The following GULP1 variants were observed in gnomAD, a reference collection of about 807,000 sequenced individuals.
GULP1 encodes GULP PTB domain containing engulfment adaptor 1.
In GULP1, 19 loss-of-function variants were observed where a neutral mutation model predicts 40.9. The ratio of observed to expected loss-of-function variants is 0.46; its 90% CI spans 0.32 to 0.68. The LOEUF (loss-of-function observed/expected upper bound fraction) is 0.68, where lower values mean the gene tolerates loss of function less well. Among genes scored for constraint, GULP1 ranks in the 30% least tolerant of loss-of-function variants. GULP1 has a pLI of 0.03. For synonymous variants in GULP1, 119 were observed against 117.6 expected (o/e 1.01, Z -0.08); for missense variants, 312 against 362.2 (o/e 0.86, Z 1.12).
At chr2:188,418,575 G>A (rs2054911276) in intron 2 of GULP1, among the ~76,000 whole-genome samples, 1 of 152,296 alleles carries the variant, frequency 6.6e-6, no homozygotes, top group Non-Finnish European at 1.5e-5. Context: ...GGAGGTTGCA[G>A]TGAGCTGAAA....
At chr2:188,409,326 A>C (rs879662949) in intron 2 of GULP1, among the ~76,000 whole-genome samples, 1 of 152,186 alleles carries the variant, frequency 6.6e-6, no homozygotes, top group African/African-American at 2.4e-5. Context: ...TGCTATGAAC[A>C]ACAATATAAC....
intron 4 of GULP1, among the ~76,000 whole-genome samples, chr2:188,521,773 G>T (rs2065805349): frequency 6.6e-6 from 1 of 152,078 alleles, no homozygotes. Context: ...CTACCTTCAG[G>T]TTTATTTAAA....
chr2:188,404,658 C>T (rs888731180), intron 2 of GULP1, among the ~76,000 whole-genome samples: 3 of 152,174 alleles, frequency 2.0e-5, no homozygotes, highest in African/African-American at 2.4e-5. Flanking sequence ...GGGCCCACCC[C>T]GTTGTTAGGC....
intron 4 of GULP1, among the ~76,000 whole-genome samples, chr2:188,512,825 T>G (rs1364931953): frequency 6.9e-6 from 1 of 144,648 alleles, no homozygotes; most frequent in African/African-American, 2.6e-5. Flanking sequence ...ACATCACTTG[T>G]GGAAATTAGC....
At chr2:188,302,531 A>G (rs1181845144) in intron 1 of GULP1, among the ~76,000 whole-genome samples, 3 of 152,214 alleles carry the variant, frequency 2.0e-5, no homozygotes, top group Non-Finnish European at 4.4e-5. Context: ...TAAATATAGA[A>G]GATAAAGCTG....
intron 2 of GULP1, among the ~76,000 whole-genome samples, chr2:188,387,200 C>A (rs2049889918): frequency 6.6e-6 from 1 of 151,866 alleles, no homozygotes; most frequent in Non-Finnish European, 1.5e-5. Context: ...TGCACCACTG[C>A]ACTCCAGCCT....
At chr2:188,341,483 C>G (rs1050360484) in intron 1 of GULP1, among the ~76,000 whole-genome samples, 1 of 152,068 alleles carries the variant, frequency 6.6e-6, no homozygotes, top group Non-Finnish European at 1.5e-5. Context: ...CAGTTATCAT[C>G]ATAAAGGATA....
intron 2 of GULP1, among the ~76,000 whole-genome samples, chr2:188,437,176 T>A (rs182197849): frequency 6.6e-6 from 1 of 152,134 alleles, no homozygotes; most frequent in African/African-American, 2.4e-5. Flanking sequence ...GAATCTTTCA[T>A]AGAAATGTTA....
intron 1 of GULP1, among the ~76,000 whole-genome samples, chr2:188,367,955 A>G (rs1029707378): frequency 1.3e-5 from 2 of 152,130 alleles, no homozygotes; most frequent in African/African-American, 4.8e-5. Flanking sequence ...ACTTATATCT[A>G]TTAGTCCACC....
At chr2:188,494,715 T>A (rs898343166) in intron 4 of GULP1, among the ~76,000 whole-genome samples, 2 of 152,084 alleles carry the variant, frequency 1.3e-5, no homozygotes, top group African/African-American at 2.4e-5. Flanking sequence ...GCATCACATT[T>A]TTCTCATAAT....
intron 3 of GULP1, 88 bp from the exon 4 acceptor site, chr2:188,483,343 C>G: frequency 1.7e-6 from 1 of 593,476 alleles, no homozygotes; most frequent in South Asian, 2.6e-5. Flanking sequence ...TAGAAATACT[C>G]TGTGTCCTAA....
At chr2:188,322,059 A>G (rs2040069402) in intron 1 of GULP1, among the ~76,000 whole-genome samples, 1 of 152,040 alleles carries the variant, frequency 6.6e-6, no homozygotes, top group African/African-American at 2.4e-5. Context: ...AATAAAATAA[A>G]ATTACCCAGG....
chr2:188,448,982 C>T (rs368676949), intron 2 of GULP1, among the ~76,000 whole-genome samples: 38 of 152,298 alleles, frequency 2.5e-4, no homozygotes, highest in East Asian at 2.3e-3. Context: ...CATGCTTGGA[C>T]AGCCTGCAGA....
chr2:188,447,997 C>CA (rs2058535763), intron 2 of GULP1, among the ~76,000 whole-genome samples: 1 of 152,076 alleles, frequency 6.6e-6, no homozygotes, highest in Non-Finnish European at 1.5e-5. Flanking sequence ...CTGGTCAAAG[C>CA]AAAAATCAGA....
chr2:188,473,768 C>T (rs1358262698), intron 2 of GULP1, among the ~76,000 whole-genome samples: 1 of 151,906 alleles, frequency 6.6e-6, no homozygotes. Context: ...GTTCTCTACC[C>T]CACTGTGGCT....
intron 7 of GULP1, among the ~76,000 whole-genome samples, chr2:188,548,176 G>T (rs971152211): frequency 6.6e-6 from 1 of 151,988 alleles, no homozygotes; most frequent in African/African-American, 2.4e-5. Context: ...TGTAAATAAA[G>T]AAATAAAACT....
intron 1 of GULP1, among the ~76,000 whole-genome samples, chr2:188,345,624 C>T (rs966678249): frequency 1.3e-5 from 2 of 152,050 alleles, no homozygotes; most frequent in Non-Finnish European, 2.9e-5. Flanking sequence ...TGTGGTTTCA[C>T]CAGTATGTAT....
intron 4 of GULP1, among the ~76,000 whole-genome samples, chr2:188,514,265 T>TGG (rs2064954574): frequency 6.6e-6 from 1 of 152,208 alleles, no homozygotes; most frequent in African/African-American, 2.4e-5. Flanking sequence ...TGTTTAACAT[T>TGG]GGAAGTATTT....
intron 1 of GULP1, among the ~76,000 whole-genome samples, chr2:188,355,513 A>T (rs1461222582): frequency 3.3e-5 from 5 of 151,992 alleles, no homozygotes; most frequent in African/African-American, 1.2e-4. Context: ...ACCAATAATG[A>T]TGTGATTAAA....
Sources: allele counts gnomAD v4.1 joint callset (sites outside exome capture counted in the v4.1 genomes callset), GRCh38; gene constraint gnomAD v4.1.1; transcripts MANE v1.5; gene names NCBI Gene and HGNC (gene_info 2026-07-23, HGNC 2026-07-21).